Variants in ANKFY1 observed in about 807,000 individuals in gnomAD.
ANKFY1 encodes ankyrin repeat and FYVE domain containing 1.
Under a neutral mutation model 128.3 loss-of-function variants are expected in ANKFY1, and 47 were observed. The ratio of observed to expected loss-of-function variants is 0.37; its 90% confidence interval spans 0.29 to 0.47. The LOEUF (loss-of-function observed/expected upper bound fraction) is 0.47, where lower values mean the gene tolerates loss of function less well. ANKFY1 is among the 20% of genes least tolerant of loss of function. The probability of loss-of-function intolerance (pLI) is 1.00; values close to 1 mark genes in which losing one functional copy is unlikely to be tolerated. For synonymous variants in ANKFY1, 553 were observed against 601.6 expected (o/e 0.92, Z 1.18); for missense variants, 1,222 against 1,510.6 (o/e 0.81, Z 3.17).
intron 1 of ANKFY1, among the ~76,000 whole-genome samples, chr17:4,244,515 A>G (rs1967428068): frequency 6.6e-6 from 1 of 152,092 alleles, no homozygotes; most frequent in Non-Finnish European, 1.5e-5. Flanking sequence ...CACTGCTGCT[A>G]CAATCATCCT....
intron 6 of ANKFY1, 132 bp from the exon 7 acceptor site, chr17:4,206,618 C>T: frequency 1.3e-6 from 1 of 767,016 alleles, no homozygotes; most frequent in South Asian, 2.1e-5. Flanking sequence ...ACTGCTTACT[C>T]CCCAAATTCA....
Position 4,170,703 on chromosome 17 carries a change from C to T in ANKFY1, c.3286+12G>A, listed in dbSNP as rs759818684. ...GTGCTTGCACTGTGAGAGCAGAGAG[C>T]GGGCCACTCACCCAGCAGTCGGAAC... On this transcript the variant is annotated intron_variant, in intron 23 of 24. Coordinates refer to ENST00000341657, the MANE Select transcript of ANKFY1 (RefSeq NM_001330063.2). The T allele has an allele frequency of 6.6e-5, 105 of 1,600,746 alleles. No homozygotes were observed. Among genetic ancestry groups the T allele is most frequent in the Non-Finnish European group, 7.8e-5 (92 of 1,173,200 alleles).
chr17:4,232,822 C>A (rs1450100245), intron 3 of ANKFY1, among the ~76,000 whole-genome samples: 2 of 152,080 alleles, frequency 1.3e-5, no homozygotes, highest in East Asian at 3.8e-4. Flanking sequence ...TTAAAATTGG[C>A]TTTTTATTCC....
chr17:4,258,178 A>G (rs1968217163), intron 1 of ANKFY1, among the ~76,000 whole-genome samples: 1 of 152,206 alleles, frequency 6.6e-6, no homozygotes, highest in Non-Finnish European at 1.5e-5. Flanking sequence ...GACTATATAT[A>G]ATTATCAATG....
intron 11 of ANKFY1, among the ~76,000 whole-genome samples, chr17:4,185,983 A>G (rs1395052206): frequency 6.6e-6 from 1 of 152,046 alleles, no homozygotes; most frequent in Non-Finnish European, 1.5e-5. Context: ...CCTACTTTTA[A>G]AAGTTAAAAA....
At chr17:4,216,881 A>G (rs2060228343) in intron 4 of ANKFY1, 102 bp downstream of exon 4, 1 of 1,522,482 alleles carries the variant, frequency 6.6e-7, no homozygotes, top group African/African-American at 1.4e-5. Context: ...CACCTTGCCA[A>G]GTTATTTACA....
chr17:4,256,250 A>C, intron 1 of ANKFY1, among the ~76,000 whole-genome samples: 1 of 150,726 alleles, frequency 6.6e-6, no homozygotes. Flanking sequence ...AACAGAGTGA[A>C]ACCCCGTCTC....
In ANKFY1 at chr17:4,173,337, G is replaced by A. The variant is rs779521121; in HGVS notation, c.3014+17C>T. On this transcript the variant is annotated intron_variant, in intron 21 of 24. Coordinates refer to ENST00000341657, the MANE Select transcript of ANKFY1 (RefSeq NM_001330063.2). ...AGGCCAGGCGCCGCGGGGCCTACTC[G>A]GGCCCAACGCGCTCACCTGAGATTA... The A allele has an allele frequency of 7.2e-5, 116 of 1,611,586 alleles. No individual in the cohort carries two copies. Among genetic ancestry groups the A allele is most frequent in the African/African-American group, 1.2e-4 (9 of 74,988 alleles).
At chr17:4,195,939 C>T (rs2059809855) in intron 8 of ANKFY1, among the ~76,000 whole-genome samples, 1 of 151,886 alleles carries the variant, frequency 6.6e-6, no homozygotes, top group Non-Finnish European at 1.5e-5. Context: ...ACTCGGGAGC[C>T]CTGCAGGAGA....
intron 15 of ANKFY1, 37 bp downstream of exon 15, chr17:4,182,144 C>T (rs766294223): frequency 3.2e-5 from 46 of 1,425,302 alleles, no homozygotes; most frequent in Non-Finnish European, 4.2e-5. Flanking sequence ...AACATATCCC[C>T]ATCTGTAAAC....
chr17:4,215,306 T>A (rs1364736888), intron 4 of ANKFY1, among the ~76,000 whole-genome samples: 8 of 122,932 alleles, frequency 6.5e-5, no homozygotes, highest in Non-Finnish European at 1.5e-4. Flanking sequence ...AAAAAAAAAA[T>A]TAAGAGTATT....
At chr17:4,168,472 C>T (rs557331775) in intron 24 of ANKFY1, among the ~76,000 whole-genome samples, 17 of 152,252 alleles carry the variant, frequency 1.1e-4, no homozygotes, top group Non-Finnish European at 2.4e-4. Flanking sequence ...AAAAAGAGAG[C>T]AGCTCAGCAC....
chr17:4,239,049 C>A (rs545924005), intron 2 of ANKFY1, among the ~76,000 whole-genome samples: 1 of 152,192 alleles, frequency 6.6e-6, no homozygotes, highest in Non-Finnish European at 1.5e-5. Flanking sequence ...TGAGCCACCA[C>A]GCCCGGCCTA....
intron 11 of ANKFY1, chr17:4,188,722 T>TG (rs2059654964): frequency 6.6e-6 from 1 of 152,166 alleles, no homozygotes; most frequent in Non-Finnish European, 1.5e-5. Flanking sequence ...AGCATTTAGC[T>TG]GGGCGTGGTG....
chr17:4,241,109 A>G (rs1028170119), intron 2 of ANKFY1, among the ~76,000 whole-genome samples: 3 of 152,220 alleles, frequency 2.0e-5, no homozygotes, highest in African/African-American at 4.8e-5. Context: ...TGTGCTATGC[A>G]GTGTTCCAAG....
intron 4 of ANKFY1, among the ~76,000 whole-genome samples, chr17:4,211,200 T>A (rs2060124050): frequency 1.3e-5 from 2 of 150,422 alleles, no homozygotes; most frequent in South Asian, 4.2e-4. Flanking sequence ...GCTCAGGAGG[T>A]CGTGACCAGC....
intron 2 of ANKFY1, among the ~76,000 whole-genome samples, chr17:4,241,175 G>C (rs1316227348): frequency 6.6e-6 from 1 of 151,938 alleles, no homozygotes; most frequent in African/African-American, 2.4e-5. Flanking sequence ...GTAAGTAGCA[G>C]CAGTAACTTC....
chr17:4,211,903 A>AAAAC (rs1408133842), intron 4 of ANKFY1, among the ~76,000 whole-genome samples: 3 of 28,760 alleles, frequency 1.0e-4, no homozygotes, highest in African/African-American at 1.5e-4. Context: ...AAACAAAACA[A>AAAAC]AAACAAACAA....
At chr17:4,187,927 CAA>C (rs1208081142) in intron 11 of ANKFY1, 3 of 152,388 alleles carry the variant, frequency 2.0e-5, no homozygotes, top group African/African-American at 7.2e-5. Context: ...CTCAGCCTCC[CAA>C]AGTTTTGGGA....
Sources: gnomAD v4.1 joint callset for allele counts (sites outside exome capture counted in the v4.1 genomes callset) on GRCh38, gnomAD v4.1.1 for gene constraint, MANE v1.5 for transcripts, NCBI Gene and HGNC (gene_info 2026-07-23, HGNC 2026-07-21) for gene names.